CPA6: variants seen among roughly 807,000 people sequenced by gnomAD.
CPA6 encodes the protein carboxypeptidase A6.
In CPA6, 58 loss-of-function variants were observed where a neutral mutation model predicts 63.3. The observed-to-expected ratio is 0.92, with a 90% CI of 0.74 to 1.14. The LOEUF (loss-of-function observed/expected upper bound fraction) is 1.14, where lower values mean the gene tolerates loss of function less well. Ranked by LOEUF, CPA6 falls within the 50% of genes most tolerant of loss-of-function variation. CPA6 has a pLI of 0.00. For missense variants in CPA6, 565 were observed against 526.6 expected (o/e 1.07, Z -0.71); for synonymous variants, 185 against 179.0 (o/e 1.03, Z -0.27).
At chr8:67,586,701 G>A (rs1813947269) in intron 2 of CPA6, among the ~76,000 whole-genome samples, 1 of 152,198 alleles carries the variant, frequency 6.6e-6, no homozygotes, top group East Asian at 1.9e-4. Context: ...TTTTTTCATG[G>A]AAGTGACTCA....
intron 1 of CPA6, among the ~76,000 whole-genome samples, chr8:67,736,984 G>A (rs929687979): frequency 3.3e-5 from 5 of 152,024 alleles, no homozygotes; most frequent in South Asian, 2.1e-4. Flanking sequence ...GCCCTACCTC[G>A]TATTACTAAG....
chr8:67,427,963 C>T (rs1809930356), intron 10 of CPA6, 84 bp downstream of exon 10: 1 of 890,054 alleles, frequency 1.1e-6, no homozygotes, highest in South Asian at 1.5e-5. Context: ...GGAGAACACA[C>T]TTTCTCCCTT....
chr8:67,559,923 G>A (rs1006995282), intron 2 of CPA6, among the ~76,000 whole-genome samples: 2 of 151,342 alleles, frequency 1.3e-5, no homozygotes, highest in African/African-American at 4.8e-5. Flanking sequence ...AGGCCCCAAG[G>A]AGCTCTCATG....
chr8:67,655,662 C>A (rs1815966481), intron 1 of CPA6, among the ~76,000 whole-genome samples: 2 of 152,036 alleles, frequency 1.3e-5, no homozygotes. Context: ...GATTCTGGGG[C>A]CCTTTCAGAA....
chr8:67,669,863 C>T (rs1207887337), intron 1 of CPA6, among the ~76,000 whole-genome samples: 1 of 151,404 alleles, frequency 6.6e-6, no homozygotes, highest in Admixed American at 6.6e-5. Flanking sequence ...TCAAGAGGAC[C>T]CAGCACTTCA....
At chr8:67,633,617 C>G (rs1421282483) in intron 1 of CPA6, among the ~76,000 whole-genome samples, 1 of 147,724 alleles carries the variant, frequency 6.8e-6, no homozygotes, top group African/African-American at 2.5e-5. Flanking sequence ...GGAGGCGGAG[C>G]TTGCAGTGAG....
intron 2 of CPA6, among the ~76,000 whole-genome samples, chr8:67,605,085 T>TC (rs1486995292): frequency 6.6e-6 from 1 of 151,154 alleles, no homozygotes; most frequent in Non-Finnish European, 1.5e-5. Context: ...GCCACGTTTT[T>TC]TTTTTTTTCT....
intron 1 of CPA6, among the ~76,000 whole-genome samples, chr8:67,632,038 C>T (rs1289882754): frequency 6.6e-6 from 1 of 152,140 alleles, no homozygotes; most frequent in Admixed American, 6.5e-5. Context: ...GTCAGTGAGA[C>T]CAAGAACCCA....
chr8:67,663,261 A>G (rs1185463360), intron 1 of CPA6, among the ~76,000 whole-genome samples: 2 of 152,350 alleles, frequency 1.3e-5, no homozygotes, highest in East Asian at 3.9e-4. Flanking sequence ...TGTAGGTACT[A>G]TGGATTCGGT....
chr8:67,475,867 CTT>C (rs755060807), intron 8 of CPA6, among the ~76,000 whole-genome samples: 2,066 of 82,814 alleles, frequency 0.025, 74 homozygotes, highest in African/African-American at 0.033. Flanking sequence ...TTCTTTCTTT[CTT>C]TCTTTCTTTC....
chr8:67,490,450 CA>C (rs1811579108), intron 6 of CPA6, among the ~76,000 whole-genome samples: 1 of 152,122 alleles, frequency 6.6e-6, no homozygotes, highest in Non-Finnish European at 1.5e-5. Context: ...AGTTGCAAAA[CA>C]ATGCACCACA....
Position 67,434,160 on chromosome 8 carries a change from C to T in CPA6, c.919G>A (p.Ala307Thr), listed in dbSNP as rs767858182. 12 of 1,613,972 alleles carry T rather than the reference C, an allele frequency of 7.4e-6. No homozygotes were observed. The African/African-American group carries it at 1.5e-4, about 20-fold the overall frequency. The change falls in exon 9 of 11, where the codon GCT (alanine) becomes ACT (threonine). Residue 307 changes from alanine (A) to threonine (T), a missense_variant. Coordinates refer to ENST00000297770, the MANE Select transcript of CPA6 (RefSeq NM_020361.5). ...TTTCTGTGTTTTCGAAGGAAGTTAGCTACAGCCTTCACTTCCGGCTCAGAT... is the reference window on the plus strand; with the variant it reads ...TTTCTGTGTTTTCGAAGGAAGTTAGTTACAGCCTTCACTTCCGGCTCAGAT... ...PESEPEVKAV[A>T]NFLRKHRKHI... is the part of the protein sequence containing the mutation.
chr8:67,648,216 T>C (rs1221772982), intron 1 of CPA6, among the ~76,000 whole-genome samples: 1 of 151,086 alleles, frequency 6.6e-6, no homozygotes, highest in Admixed American at 6.6e-5. Flanking sequence ...GTTTAGAGAA[T>C]AGATGAAAGA....
chr8:67,571,373 C>T (rs1359091243), intron 2 of CPA6, among the ~76,000 whole-genome samples: 1 of 152,154 alleles, frequency 6.6e-6, no homozygotes, highest in Non-Finnish European at 1.5e-5. Flanking sequence ...ATATGCAGAA[C>T]ATTCCAGCCA....
chr8:67,508,463 C>A (rs1390414672), intron 5 of CPA6, among the ~76,000 whole-genome samples: 1 of 151,968 alleles, frequency 6.6e-6, no homozygotes, highest in East Asian at 1.9e-4. Flanking sequence ...ATACAGAGGT[C>A]TGGGATGACT....
rs570593433 is a variant in CPA6, at chr8:67,594,867, TC to T, written c.192+29308del. Among the ~76,000 whole-genome samples, 1,401 of 152,348 alleles carry T rather than the reference TC, an allele frequency of 9.2e-3. 11 individuals carry two copies. Among genetic ancestry groups the T allele is most frequent in the Admixed American group, 0.015 (231 of 15,306 alleles). On this transcript the variant is annotated intron_variant, in intron 2 of 10. Transcript: ENST00000297770. ...AGAGTAGTTTGATCGTCTGAAGCCT[TC>T]TTCTCTCAACTCGTCAAAGTCATTC...
rs529881841 is a variant in CPA6 at position 67,716,390 on chromosome 8, G to T, written c.116+29624C>A. 5.9e-5 allele frequency among the ~76,000 whole-genome samples: 9 copies of T among 152,264 alleles called. No individual in the cohort carries two copies. In the East Asian group the frequency reaches 1.7e-3, roughly 29 times the overall value. ...CACATGTAAGGTGTACATTGGTTTG[G>T]TCTGGAAAGGCAGGGAAGGGGACTT... On this transcript the variant is annotated intron_variant, in intron 1 of 10. Coordinates refer to ENST00000297770, the MANE Select transcript of CPA6 (RefSeq NM_020361.5).
chr8:67,657,141 T>C (rs1033976769), intron 1 of CPA6, among the ~76,000 whole-genome samples: 1 of 152,072 alleles, frequency 6.6e-6, no homozygotes, highest in Non-Finnish European at 1.5e-5. Flanking sequence ...TCAACTAGGG[T>C]GAGGAAGATA....
chr8:67,684,054 TA>T (rs1362400704), intron 1 of CPA6, among the ~76,000 whole-genome samples: 9 of 146,132 alleles, frequency 6.2e-5, no homozygotes, highest in South Asian at 2.2e-4. Flanking sequence ...TTTATTTATT[TA>T]TTTTTTTTTT....
Sources: allele counts gnomAD v4.1 joint callset (sites outside exome capture counted in the v4.1 genomes callset), GRCh38; gene constraint gnomAD v4.1.1; transcripts MANE v1.5; gene names NCBI Gene and HGNC (gene_info 2026-07-23, HGNC 2026-07-21).